Variants in MARK3 observed in about 807,000 individuals in gnomAD.
MARK3 encodes microtubule affinity regulating kinase 3.
Under a neutral mutation model 90.1 loss-of-function variants are expected in MARK3, and 46 were observed. The ratio of observed to expected loss-of-function variants is 0.51; its 90% CI spans 0.40 to 0.65. MARK3 has a LOEUF of 0.65. MARK3 is among the 30% of genes least tolerant of loss of function. The pLI is 0.00. For missense variants in MARK3, 818 were observed against 947.2 expected (o/e 0.86, Z 1.79); for synonymous variants, 321 against 332.6 (o/e 0.97, Z 0.38).
intron 1 of MARK3, among the ~76,000 whole-genome samples, chr14:103,400,559 C>T (rs2090889387): frequency 6.6e-6 from 1 of 152,224 alleles, no homozygotes; most frequent in African/African-American, 2.4e-5. Flanking sequence ...GAATTAAACT[C>T]AGCAGCTTTT....
chr14:103,466,897 G>A (rs553133538), intron 10 of MARK3, among the ~76,000 whole-genome samples, 182 bp from the exon 11 acceptor site: 122 of 151,874 alleles, frequency 8.0e-4, no homozygotes, highest in South Asian at 7.1e-3. Context: ...CCAGCTACTC[G>A]GGAGGCTGAG....
chr14:103,385,808 C>T lies in MARK3; in HGVS notation c.-222C>T. 1 of 435,586 alleles carries T rather than the reference C, an allele frequency of 2.3e-6. No homozygotes were observed. Among genetic ancestry groups the T allele is most frequent in the Non-Finnish European group, 4.0e-6 (1 of 248,010 alleles). 27.0% of individuals were successfully genotyped at this position (435,586 alleles called of 1,614,324 possible). ...CCGCCACTGCCGCCCTCCCGGTCTC[C>T]TCGCCTCGGCCGCCGAGGCAGGGAG... is the stretch of plus-strand genomic sequence containing the variant. On this transcript the variant is annotated 5_prime_UTR_variant, in exon 1 of 18. Transcript: ENST00000429436.
intron 5 of MARK3, among the ~76,000 whole-genome samples, chr14:103,452,471 C>CTTTTTTTTTTTTTT (rs71126026): frequency 3.1e-5 from 3 of 97,474 alleles, no homozygotes; most frequent in Admixed American, 1.3e-4. Context: ...CAGGATTTGT[C>CTTTTTTTTTTTTTT]TTTTTTTTTT....
intron 2 of MARK3, chr14:103,412,827 G>T: frequency 5.7e-6 from 2 of 351,096 alleles, no homozygotes; most frequent in Non-Finnish European, 1.1e-5. Context: ...TAATAGTTTG[G>T]GAGGAAATTG....
At chr14:103,412,560 TC>T in intron 2 of MARK3, 2 of 635,580 alleles carry the variant, frequency 3.1e-6, no homozygotes, top group Non-Finnish European at 5.6e-6. Flanking sequence ...GTGCTGCTGT[TC>T]CCCCAGGACC....
At chr14:103,459,571 C>G (rs930404050) in intron 6 of MARK3, among the ~76,000 whole-genome samples, 5 of 152,166 alleles carry the variant, frequency 3.3e-5, no homozygotes, top group African/African-American at 1.2e-4. Context: ...CCGATCTCAG[C>G]TCACTGCAAC....
At chr14:103,393,269 G>C (rs759001008) in intron 1 of MARK3, among the ~76,000 whole-genome samples, 11 of 152,164 alleles carry the variant, frequency 7.2e-5, no homozygotes, top group Non-Finnish European at 1.5e-4. Context: ...TTACAGGCGT[G>C]AGCCACTGTG....
intron 3 of MARK3, among the ~76,000 whole-genome samples, chr14:103,440,656 G>A (rs1443695183): frequency 6.6e-6 from 1 of 152,046 alleles, no homozygotes; most frequent in East Asian, 1.9e-4. Context: ...TATTTGGCCA[G>A]GCATAGTGGC....
At chr14:103,482,448 G>A (rs1007094924) in intron 14 of MARK3, among the ~76,000 whole-genome samples, 2 of 152,094 alleles carry the variant, frequency 1.3e-5, no homozygotes, top group African/African-American at 2.4e-5. Context: ...TTGAACCCAG[G>A]AGGCAGAGTT....
At chr14:103,428,620 G>A (rs576443503) in intron 3 of MARK3, among the ~76,000 whole-genome samples, 180 bp downstream of exon 3, 4 of 152,172 alleles carry the variant, frequency 2.6e-5, no homozygotes, top group Non-Finnish European at 5.9e-5. Flanking sequence ...TCTTTGGTCG[G>A]AGATTATTTT....
At chr14:103,487,662 C>T (rs2093953320) in intron 14 of MARK3, among the ~76,000 whole-genome samples, 1 of 152,146 alleles carries the variant, frequency 6.6e-6, no homozygotes, top group African/African-American at 2.4e-5. Context: ...AGAAAAAAGT[C>T]AACAACTGGA....
chr14:103,449,402 C>A (rs1246970103), intron 4 of MARK3, among the ~76,000 whole-genome samples: 1 of 139,592 alleles, frequency 7.2e-6, no homozygotes, highest in African/African-American at 2.7e-5. Flanking sequence ...AGAGCGAGAC[C>A]CCGTCTCTCC....
chr14:103,490,878 C>A, intron 14 of MARK3: 1 of 998,912 alleles, frequency 1.0e-6, no homozygotes, highest in Non-Finnish European at 1.3e-6. Context: ...GTGTGCATTA[C>A]ACACAGGTTG....
At chr14:103,409,559 G>A (rs892910272) in intron 2 of MARK3, among the ~76,000 whole-genome samples, 3 of 149,318 alleles carry the variant, frequency 2.0e-5, no homozygotes, top group African/African-American at 7.4e-5. Context: ...TAGAAATATA[G>A]AAATTCATTA....
At chr14:103,495,060 A>G (rs775687801) in intron 15 of MARK3, among the ~76,000 whole-genome samples, 5 of 152,258 alleles carry the variant, frequency 3.3e-5, no homozygotes, top group Non-Finnish European at 5.9e-5. Flanking sequence ...TGAAATGAGT[A>G]TATTTATACA....
At chr14:103,412,029 A>G (rs117304053) in intron 2 of MARK3, 19,182 of 357,842 alleles carry the variant, frequency 0.054, 732 homozygotes, top group Non-Finnish European at 0.074. Flanking sequence ...CAGAGCATGA[A>G]ATTTTGATTA....
Position 103,492,033 on chromosome 14 carries a change from A to G in MARK3, c.1843A>G (p.Arg615Gly), listed in dbSNP as rs918295493. ...TAAATTAACTTCAAAACTCACAAGGAGGTAAGTGCTAGGTGCTGGTTGTTT... is the reference window on the plus strand; with the variant it reads ...TAAATTAACTTCAAAACTCACAAGGGGGTAAGTGCTAGGTGCTGGTTGTTT... ...FSKLTSKLTR[R>G]NMSFRFIKRL... The change falls in exon 15 of 18, where the codon AGA becomes GGA. Residue 615 changes from arginine to glycine, a missense_variant and splice_region_variant. Arg to Gly is a moderately radical substitution (Grantham distance 125). Transcript: ENST00000429436. The G allele has an allele frequency of 6.2e-7, 1 of 1,613,836 alleles. No homozygotes were observed. Among genetic ancestry groups the G allele is most frequent in the African/African-American group, 1.3e-5 (1 of 74,918 alleles).
At chr14:103,404,962 ACTTT>A in intron 1 of MARK3, 110 bp from the exon 2 acceptor site, 1 of 697,394 alleles carries the variant, frequency 1.4e-6, no homozygotes, top group Non-Finnish European at 2.3e-6. Flanking sequence ...AGTGCTAGAT[ACTTT>A]AAGATTAAAA....
At chr14:103,397,369 C>T (rs950344595) in intron 1 of MARK3, among the ~76,000 whole-genome samples, 2 of 151,420 alleles carry the variant, frequency 1.3e-5, no homozygotes, top group African/African-American at 4.9e-5. Flanking sequence ...CTCTGTCACC[C>T]AGACTGGAGT....
Sources: allele counts gnomAD v4.1 joint callset (sites outside exome capture counted in the v4.1 genomes callset), GRCh38; gene constraint gnomAD v4.1.1; transcripts MANE v1.5; gene names NCBI Gene and HGNC (gene_info 2026-07-23, HGNC 2026-07-21).